Variants in TCEA1 observed in about 807,000 individuals in gnomAD.
TCEA1 encodes transcription elongation factor A1.
Under a neutral mutation model 43.8 loss-of-function variants are expected in TCEA1, and 21 were observed. The ratio of observed to expected loss-of-function variants is 0.48; its 90% CI spans 0.34 to 0.69. The LOEUF is 0.69. Ranked by LOEUF, TCEA1 falls within the 30% of genes least tolerant of loss-of-function variation. TCEA1 has a pLI of 0.01. For synonymous variants in TCEA1, 104 were observed against 117.5 expected, an observed-to-expected ratio of 0.88 and a Z score of 0.75; for missense variants, 250 against 365.1, an observed-to-expected ratio of 0.68 and a Z score of 2.57.
At chr8:54,007,355 C>CT (rs1461742176) in intron 2 of TCEA1, among the ~76,000 whole-genome samples, 5 of 151,462 alleles carry the variant, frequency 3.3e-5, no homozygotes, top group Admixed American at 6.6e-5. Flanking sequence ...GTATTTTTTT[C>CT]TTTTTTATCA....
intron 8 of TCEA1, chr8:53,972,354 A>C: frequency 2.0e-6 from 1 of 502,196 alleles, no homozygotes; most frequent in South Asian, 1.5e-5. Flanking sequence ...AAGTGACAGC[A>C]GCCCTAATCT....
Position 53,986,951 on chromosome 8 carries a change from T to C in TCEA1, c.523+18A>G. On this transcript the variant is annotated intron_variant, in intron 6 of 9. Transcript: ENST00000521604. ...ACTTATTAAAAAAAACAATTATGAATATACACACAAAGGATATCTTCTTCA... is the reference window on the plus strand; with the variant it reads ...ACTTATTAAAAAAAACAATTATGAACATACACACAAAGGATATCTTCTTCA... 1 of 1,562,214 alleles carries C rather than the reference T, an allele frequency of 6.4e-7. No homozygotes were observed. Among genetic ancestry groups the C allele is most frequent in the Non-Finnish European group, 8.7e-7 (1 of 1,154,934 alleles).
At chr8:53,996,456 C>A (rs1241279621) in intron 3 of TCEA1, among the ~76,000 whole-genome samples, 1 of 152,188 alleles carries the variant, frequency 6.6e-6, no homozygotes, top group South Asian at 2.1e-4. Context: ...GGATTAAATG[C>A]ATTAATACAG....
chr8:53,984,586 A>T (rs1803629516), intron 6 of TCEA1, 69 bp from the exon 7 acceptor site: 6 of 1,388,804 alleles, frequency 4.3e-6, no homozygotes, highest in Non-Finnish European at 5.7e-6. Context: ...TGTTCTGCCA[A>T]AATAAGAATT....
chr8:53,988,323 C>T (rs1316059674), intron 4 of TCEA1, 64 bp from the exon 5 acceptor site: 5 of 1,545,720 alleles, frequency 3.2e-6, no homozygotes, highest in Admixed American at 3.6e-5. Context: ...AACAATACTA[C>T]TATCATGCTG....
Position 53,977,862 on chromosome 8 carries a change from G to A in TCEA1, c.825+1163C>T, listed in dbSNP as rs115329212. 4.1e-3 allele frequency among the ~76,000 whole-genome samples: 622 copies of A among 152,232 alleles called. 4 individuals are homozygous for A. Among genetic ancestry groups the A allele is most frequent in the African/African-American group, 0.014 (593 of 41,524 alleles). On this transcript the variant is annotated intron_variant, in intron 8 of 9. Transcript: ENST00000521604. The stretch of plus-strand genomic sequence containing the variant: ...TATCCAGAAGACAGTTAAGCCTAAA[G>A]TACTCATAAGCCATGTGGAGGAGCG...
In TCEA1 at chr8:53,986,945, T is replaced by G. The variant is rs553021960; in HGVS notation, c.523+24A>C. ...AATATTACTTATTAAAAAAAACAAT[T>G]ATGAATATACACACAAAGGATATCT... On this transcript the variant is annotated intron_variant, in intron 6 of 9. Coordinates refer to ENST00000521604, the MANE Select transcript of TCEA1 (RefSeq NM_006756.4). 3.2e-6 allele frequency: 5 copies of G among 1,543,288 alleles called. No individual in the cohort carries two copies. In the African/African-American group the frequency reaches 6.9e-5, roughly 21 times the overall value.
Position 54,022,172 on chromosome 8 carries a change from T to C in TCEA1, c.-47A>G. The C allele has an allele frequency of 6.3e-7, 1 of 1,580,598 alleles. No individual in the cohort carries two copies. The highest frequency in any genetic ancestry group is 8.6e-7 in the Non-Finnish European group (1 of 1,156,542). Reference sequence around the variant, plus strand: ...CGCCCACCCCGCTGGCAAGGGGAAGTGGGCGAAGCTGGAGCGGAAGACACA... The same window carrying C: ...CGCCCACCCCGCTGGCAAGGGGAAGCGGGCGAAGCTGGAGCGGAAGACACA... On this transcript the variant is annotated 5_prime_UTR_variant, in exon 1 of 10. Coordinates refer to ENST00000521604, the MANE Select transcript of TCEA1 (RefSeq NM_006756.4).
intron 1 of TCEA1, among the ~76,000 whole-genome samples, chr8:54,015,916 G>C (rs917323023): frequency 2.0e-5 from 3 of 152,112 alleles, no homozygotes; most frequent in Non-Finnish European, 4.4e-5. Flanking sequence ...TGGCCACAAA[G>C]CAATGAAAAG....
rs564521346 is a variant in TCEA1, at chr8:53,989,302, G to A, written c.321-1043C>T. Among the ~76,000 whole-genome samples the A allele has an allele frequency of 2.2e-3, 341 of 152,174 alleles. 3 individuals are homozygous for A. The highest frequency in any genetic ancestry group is 5.3e-3 in the African/African-American group (219 of 41,534). On this transcript the variant is annotated intron_variant, in intron 4 of 9. Coordinates refer to ENST00000521604, the MANE Select transcript of TCEA1 (RefSeq NM_006756.4). The stretch of plus-strand genomic sequence containing the variant: ...TTACGTTGGATTATCACTAAAATGG[G>A]TTCTTTCCAAAATAATCTTCATGAT...
rs1224779237 is a variant in TCEA1, at chr8:53,968,125, A to G, written c.898-13T>C. On this transcript the variant is annotated splice_polypyrimidine_tract_variant and intron_variant, in intron 9 of 9. Coordinates refer to ENST00000521604, the MANE Select transcript of TCEA1 (RefSeq NM_006756.4). ...CAACTCAACAGAACTGTCAAAAAAG[A>G]AAAAATATTTTGTAAGACCTTTAAA... is the stretch of plus-strand genomic sequence containing the variant. 19 of 1,523,028 alleles carry G rather than the reference A, an allele frequency of 1.2e-5. No individual in the cohort carries two copies. The highest frequency in any genetic ancestry group is 5.5e-5 in the African/African-American group (4 of 73,054). The allele number at this position is 1,523,028 out of a possible 1,614,324, so 94.3% of individuals were successfully genotyped here.
intron 1 of TCEA1, among the ~76,000 whole-genome samples, chr8:54,011,891 G>T (rs775923797): frequency 7.2e-5 from 11 of 152,088 alleles, no homozygotes; most frequent in Non-Finnish European, 2.9e-5. Flanking sequence ...AAAAATTTAA[G>T]TTCAACAGAA....
chr8:53,997,688 C>T (rs934309150), intron 3 of TCEA1, among the ~76,000 whole-genome samples: 3 of 152,162 alleles, frequency 2.0e-5, no homozygotes, highest in Non-Finnish European at 2.9e-5. Context: ...CGCTTGAGCC[C>T]AAGAGTCCAA....
intron 8 of TCEA1, chr8:53,973,874 G>C: frequency 3.0e-6 from 1 of 333,212 alleles, no homozygotes; most frequent in Non-Finnish European, 5.7e-6. Flanking sequence ...AACTTACTCA[G>C]GCAATAAAGA....
intron 4 of TCEA1, among the ~76,000 whole-genome samples, chr8:53,991,315 C>T (rs528587097): frequency 1.6e-3 from 247 of 151,362 alleles, no homozygotes; most frequent in African/African-American, 5.8e-3. Flanking sequence ...ATCGCTTGAA[C>T]CTGGGGGACA....
chr8:53,978,844 C>T (rs1037235356), intron 8 of TCEA1, 181 bp downstream of exon 8: 6 of 541,734 alleles, frequency 1.1e-5, no homozygotes, highest in Admixed American at 6.6e-5. Flanking sequence ...TCGGAAAAAA[C>T]GTGGTATACA....
In TCEA1 at chr8:54,022,191, A is replaced by G; in HGVS notation, c.-66T>C. ...GGGAAGTGGGCGAAGCTGGAGCGGA[A>G]GACACAGCAGGAGCGACCCCCGGCG... is the stretch of plus-strand genomic sequence containing the variant. On this transcript the variant is annotated 5_prime_UTR_variant, in exon 1 of 10. Transcript: ENST00000521604. 1.3e-6 allele frequency: 2 copies of G among 1,533,878 alleles called. No individual in the cohort carries two copies. Among genetic ancestry groups the G allele is most frequent in the Non-Finnish European group, 1.8e-6 (2 of 1,115,286 alleles).
intron 1 of TCEA1, among the ~76,000 whole-genome samples, chr8:54,012,116 C>T (rs1342904078): frequency 6.6e-6 from 1 of 152,206 alleles, no homozygotes; most frequent in African/African-American, 2.4e-5. Context: ...TCTTCGATCC[C>T]TTATCTGCAA....
Position 54,010,424 on chromosome 8 carries a change from A to G in TCEA1, c.126+6T>C, listed in dbSNP as rs1804614924. On this transcript the variant is annotated splice_donor_region_variant and intron_variant, in intron 2 of 9. Transcript: ENST00000521604. ...TAAAAAAACTTTGATGCATAAAAGC[A>G]CATACCTGCAGTAATTCCAGGGTCA... 6.3e-7 allele frequency: 1 copy of G among 1,599,794 alleles called. No individual in the cohort carries two copies. The highest frequency in any genetic ancestry group is 1.3e-5 in the African/African-American group (1 of 74,412).
Sources: gnomAD v4.1 joint callset for allele counts (sites outside exome capture counted in the v4.1 genomes callset) on GRCh38, gnomAD v4.1.1 for gene constraint, MANE v1.5 for transcripts, NCBI Gene and HGNC (gene_info 2026-07-23, HGNC 2026-07-21) for gene names.